The following PBX3 variants were observed in gnomAD, a reference collection of about 807,000 sequenced individuals.
PBX3 encodes the protein PBX homeobox 3, also known as pre-B-cell leukemia transcription factor 3.
PBX3 carries 14 observed loss-of-function variants against 48.5 expected under a neutral mutation model. The ratio of observed to expected loss-of-function variants is 0.29; its 90% CI spans 0.19 to 0.45. PBX3 has a LOEUF of 0.45. PBX3 is among the 20% of genes least tolerant of loss of function. The pLI, the probability that PBX3 is intolerant of heterozygous loss-of-function variation, is 1.00. For synonymous variants in PBX3, 210 were observed against 200.3 expected (o/e 1.05, Z -0.41); for missense variants, 386 against 546.7 (o/e 0.71, Z 2.93).
At chr9:125,880,133 C>G (rs2132347782) in intron 2 of PBX3, among the ~76,000 whole-genome samples, 1 of 152,332 alleles carries the variant, frequency 6.6e-6, no homozygotes, top group East Asian at 1.9e-4. Flanking sequence ...CACCCTCCGC[C>G]TCCCGGGTTC....
At chr9:125,878,841 G>A (rs112099698) in intron 2 of PBX3, among the ~76,000 whole-genome samples, 7 of 152,274 alleles carry the variant, frequency 4.6e-5, no homozygotes, top group African/African-American at 1.4e-4. Flanking sequence ...AGTGATATAA[G>A]AGGTGATGTG....
chr9:125,797,299 T>C (rs1044906933), intron 2 of PBX3: 2 of 152,134 alleles, frequency 1.3e-5, no homozygotes, highest in African/African-American at 4.8e-5. Flanking sequence ...TAATCAGTAA[T>C]GAAGTTTCCT....
At position 125,793,001 on chromosome 9, in the gene PBX3, G is replaced by T. The variant is rs1837656683; in HGVS notation, c.274+44378G>T. 2.6e-5 allele frequency among the ~76,000 whole-genome samples: 4 copies of T among 151,740 alleles called. No individual in the cohort carries two copies. The South Asian group carries it at 6.2e-4, about 24-fold the overall frequency. On this transcript the variant is annotated intron_variant, in intron 2 of 8. Coordinates refer to ENST00000373489, the MANE Select transcript of PBX3 (RefSeq NM_006195.6). ...GCGTGAGCCACCGCGCCCGGCCGAG[G>T]TATACTTAATTTATGATAAATTGTG...
intron 2 of PBX3, among the ~76,000 whole-genome samples, chr9:125,878,275 G>A (rs1215296181): frequency 6.6e-6 from 1 of 152,202 alleles, no homozygotes; most frequent in African/African-American, 2.4e-5. Context: ...GCTTGGAGGG[G>A]GGTAAGAGGA....
At chr9:125,913,217 A>T (rs1841244631) in intron 2 of PBX3, among the ~76,000 whole-genome samples, 1 of 152,114 alleles carries the variant, frequency 6.6e-6, no homozygotes, top group Non-Finnish European at 1.5e-5. Flanking sequence ...TCCGTCAGGA[A>T]ATGATTTTTC....
intron 2 of PBX3, among the ~76,000 whole-genome samples, chr9:125,817,963 G>A (rs2132148134): frequency 6.6e-6 from 1 of 152,302 alleles, no homozygotes; most frequent in Non-Finnish European, 1.5e-5. Context: ...AGCACTTTGG[G>A]AGGCCGAGGC....
At chr9:125,883,927 G>C (rs749329499) in intron 2 of PBX3, among the ~76,000 whole-genome samples, 1 of 152,166 alleles carries the variant, frequency 6.6e-6, no homozygotes, top group Non-Finnish European at 1.5e-5. Context: ...ATTTGCTTGA[G>C]GGCTGAGTGA....
intron 2 of PBX3, among the ~76,000 whole-genome samples, chr9:125,907,673 C>T (rs1274103670): frequency 1.3e-5 from 2 of 152,068 alleles, no homozygotes; most frequent in Non-Finnish European, 2.9e-5. Flanking sequence ...GTCTAGGCTA[C>T]TCTGACTCCA....
chr9:125,965,999 T>A lies in PBX3; in HGVS notation c.*76T>A. On this transcript the variant is annotated 3_prime_UTR_variant, in exon 9 of 9. Transcript: ENST00000373489. ...AGCAATAGGAGGAAAAGGAAAGCGT[T>A]TTTGTAGCCCACCATCTACAGCTTT... is the stretch of plus-strand genomic sequence containing the variant. The A allele has an allele frequency of 9.5e-7, 1 of 1,047,374 alleles. No individual in the cohort carries two copies. Among genetic ancestry groups the A allele is most frequent in the Non-Finnish European group, 1.5e-6 (1 of 678,322 alleles). The allele number at this position is 1,047,374 out of a possible 1,614,324, so 64.9% of individuals were successfully genotyped here. A position where few individuals can be genotyped will look rare whatever the true frequency, so the allele number is the denominator to read the frequency against.
rs566813443 is a variant in PBX3, at chr9:125,903,782, A to G, written c.275-11904A>G. Among the ~76,000 whole-genome samples the G allele has an allele frequency of 5.3e-5, 8 of 152,004 alleles. No individual in the cohort carries two copies. The South Asian group carries it at 1.7e-3, about 31-fold the overall frequency. ...ATAGAAATGAGTGTTTCTGTAAGGC[A>G]TTTACTCTGTCTTTTAGATTCTTCT... On this transcript the variant is annotated intron_variant, in intron 2 of 8. Coordinates refer to ENST00000373489, the MANE Select transcript of PBX3 (RefSeq NM_006195.6).
Position 125,905,243 on chromosome 9 carries a change from CTAAT to C in PBX3, c.275-10437_275-10434del, listed in dbSNP as rs1841043451. 3.3e-5 allele frequency among the ~76,000 whole-genome samples: 5 copies of C among 151,900 alleles called. No individual in the cohort carries two copies. In the South Asian group the frequency reaches 8.3e-4, roughly 25 times the overall value. On this transcript the variant is annotated intron_variant, in intron 2 of 8. Transcript: ENST00000373489. ...GTTCATCCTCCTTAAATTGACTTTC[CTAAT>C]TAATTGTTTATCTGCCCATTTGTGT...
chr9:125,781,083 C>T (rs2132035014), intron 2 of PBX3, among the ~76,000 whole-genome samples: 1 of 149,228 alleles, frequency 6.7e-6, no homozygotes, highest in South Asian at 2.2e-4. Context: ...CGATGGGCAG[C>T]CAGGCAGAGA....
In PBX3 at chr9:125,929,820, T is replaced by C; in HGVS notation, c.682T>C (p.Leu228=). 1.9e-6 allele frequency: 3 copies of C among 1,613,916 alleles called. No individual in the cohort carries two copies. Among genetic ancestry groups the C allele is most frequent in the African/African-American group, 1.3e-5 (1 of 75,024 alleles). The change falls in exon 4 of 9, where the codon TTA becomes CTA. Residue 228 remains leucine (L), a synonymous_variant. Coordinates refer to ENST00000373489, the MANE Select transcript of PBX3 (RefSeq NM_006195.6). Reference sequence around the variant, plus strand: ...AAGCACTTGTGAAGCAGTTATGATTTTAAGATCAAGGTTCCTTGATGCCAG... The same window carrying C: ...AAGCACTTGTGAAGCAGTTATGATTCTAAGATCAAGGTTCCTTGATGCCAG... ...KQSTCEAVMI[L]RSRFLDARRK...
intron 3 of PBX3, among the ~76,000 whole-genome samples, chr9:125,919,359 A>ATTTT (rs34891465): frequency 3.5e-4 from 36 of 102,748 alleles, no homozygotes; most frequent in African/African-American, 1.3e-3. Flanking sequence ...TGCCCGTCTA[A>ATTTT]TTTTTTTTTT....
At chr9:125,909,749 A>G (rs1453614101) in intron 2 of PBX3, among the ~76,000 whole-genome samples, 1 of 152,152 alleles carries the variant, frequency 6.6e-6, no homozygotes, top group Non-Finnish European at 1.5e-5. Flanking sequence ...TCCTCTTCTC[A>G]TTTAAAGTAC....
At chr9:125,918,507 T>C (rs2132476401) in intron 3 of PBX3, among the ~76,000 whole-genome samples, 1 of 152,346 alleles carries the variant, frequency 6.6e-6, no homozygotes, top group Admixed American at 6.5e-5. Flanking sequence ...TTTAAAAATA[T>C]ATTCATGAAT....
chr9:125,897,140 G>GTTTTTTTTTT (rs200046509), intron 2 of PBX3, among the ~76,000 whole-genome samples: 1 of 88,758 alleles, frequency 1.1e-5, no homozygotes. Flanking sequence ...ATTCATTTGT[G>GTTTTTTTTTT]GTTTTTTTTT....
At chr9:125,881,728 C>G (rs1840386355) in intron 2 of PBX3, among the ~76,000 whole-genome samples, 1 of 152,038 alleles carries the variant, frequency 6.6e-6, no homozygotes, top group African/African-American at 2.4e-5. Flanking sequence ...TCAAGTGATG[C>G]TCCTGTCTTG....
intron 2 of PBX3, among the ~76,000 whole-genome samples, chr9:125,850,675 G>A (rs1839553765): frequency 6.6e-6 from 1 of 151,946 alleles, no homozygotes; most frequent in African/African-American, 2.4e-5. Flanking sequence ...ATTATAATTT[G>A]TAAAGCTTCT....
Sources: allele counts gnomAD v4.1 joint callset (sites outside exome capture counted in the v4.1 genomes callset), GRCh38; gene constraint gnomAD v4.1.1; transcripts MANE v1.5; gene names NCBI Gene and HGNC (gene_info 2026-07-23, HGNC 2026-07-21).